Variants in DENND2A observed in about 807,000 individuals in gnomAD.
DENND2A encodes DENN domain containing 2A.
Under a neutral mutation model 105.3 loss-of-function variants are expected in DENND2A, and 53 were observed. That is an observed-to-expected ratio of 0.50 (90% CI 0.40 to 0.63). The LOEUF is 0.63. Ranked by LOEUF, DENND2A falls within the 30% of genes least tolerant of loss-of-function variation. The pLI, the probability that DENND2A is intolerant of heterozygous loss-of-function variation, is 0.00. For synonymous variants in DENND2A, 522 were observed against 508.4 expected, an observed-to-expected ratio of 1.03 and a Z score of -0.36; for missense variants, 1,138 against 1,279.6, an observed-to-expected ratio of 0.89 and a Z score of 1.69.
intron 5 of DENND2A, among the ~76,000 whole-genome samples, chr7:140,574,305 G>A (rs1021068863): frequency 5.9e-5 from 9 of 152,028 alleles, no homozygotes; most frequent in African/African-American, 1.9e-4. Flanking sequence ...TGTGACCTCC[G>A]CCTCCTGGGT....
intron 5 of DENND2A, among the ~76,000 whole-genome samples, chr7:140,582,549 G>C (rs1798588172): frequency 6.6e-6 from 1 of 152,242 alleles, no homozygotes; most frequent in Non-Finnish European, 1.5e-5. Context: ...TATGAGAAGA[G>C]AAATGACAGT....
At chr7:140,629,559 G>A (rs903017121) in intron 1 of DENND2A, among the ~76,000 whole-genome samples, 1 of 152,200 alleles carries the variant, frequency 6.6e-6, no homozygotes, top group Non-Finnish European at 1.5e-5. Flanking sequence ...AAAGAGGAGT[G>A]AAGGTTTGCT....
At chr7:140,520,178 C>T (rs1439832904) in intron 18 of DENND2A, among the ~76,000 whole-genome samples, 1 of 151,928 alleles carries the variant, frequency 6.6e-6, no homozygotes, top group Non-Finnish European at 1.5e-5. Flanking sequence ...TGGTGGTGCA[C>T]GCCTATAATC....
intron 1 of DENND2A, among the ~76,000 whole-genome samples, chr7:140,623,099 C>A (rs2130723832): frequency 6.6e-6 from 1 of 151,872 alleles, no homozygotes; most frequent in East Asian, 2.0e-4. Flanking sequence ...CTTTGGGAGG[C>A]TGAGGCGGGC....
At chr7:140,565,727 A>T (rs931182036) in intron 9 of DENND2A, among the ~76,000 whole-genome samples, 1 of 152,118 alleles carries the variant, frequency 6.6e-6, no homozygotes, top group East Asian at 1.9e-4. Flanking sequence ...TGAGGCTGAA[A>T]CCTACTGGGC....
chr7:140,640,098 C>T lies in DENND2A; in HGVS notation c.-248+406G>A, dbSNP rs1801130268. 6.5e-6 allele frequency: 1 copy of T among 153,036 alleles called. No individual in the cohort carries two copies. Among genetic ancestry groups the T allele is most frequent in the Non-Finnish European group, 1.5e-5 (1 of 68,594 alleles). 9.5% of individuals were successfully genotyped at this position (153,036 alleles called of 1,614,324 possible). A position where few individuals can be genotyped will look rare whatever the true frequency, so the allele number is the denominator to read the frequency against. ...TCGATGCCCCGCGCTTGCACGCGCA[C>T]GCACACACTCACACACACTCGCACA... On this transcript the variant is annotated intron_variant, in intron 1 of 19. Transcript: ENST00000496613. This position sits in a 1 kb window ranked among gnomAD's most constrained non-coding sequence, Gnocchi z 4.9.
Position 140,523,167 on chromosome 7 carries a change from G to T in DENND2A, c.2665+140C>A. The T allele has an allele frequency of 1.3e-6, 1 of 779,410 alleles. No individual in the cohort carries two copies. Among genetic ancestry groups the T allele is most frequent in the Non-Finnish European group, 2.1e-6 (1 of 466,016 alleles). The allele number at this position is 779,410 out of a possible 1,614,324, so 48.3% of individuals were successfully genotyped here. On this transcript the variant is annotated intron_variant, in intron 17 of 19. Coordinates refer to ENST00000496613, the MANE Select transcript of DENND2A (RefSeq NM_015689.5). This position sits in a 1 kb window ranked among gnomAD's most constrained non-coding sequence, Gnocchi z 4.5. Reference sequence around the variant, plus strand: ...CAATTCACTGTGGGAATGAAATCCAGATAAACAGAATGAGGCCCTGGTTTC... The same window carrying T: ...CAATTCACTGTGGGAATGAAATCCATATAAACAGAATGAGGCCCTGGTTTC...
At chr7:140,613,430 C>G (rs921601168) in intron 1 of DENND2A, among the ~76,000 whole-genome samples, 1 of 151,348 alleles carries the variant, frequency 6.6e-6, no homozygotes, top group Non-Finnish European at 1.5e-5. Context: ...GTCCCAGCTA[C>G]TTGGGAGGCT....
chr7:140,577,259 CA>C (rs1798339435), intron 5 of DENND2A, among the ~76,000 whole-genome samples: 1 of 152,048 alleles, frequency 6.6e-6, no homozygotes, highest in South Asian at 2.1e-4. Flanking sequence ...TAAATTAGAT[CA>C]AAAGAGTCTT....
At chr7:140,528,464 G>T (rs1281726640) in intron 14 of DENND2A, among the ~76,000 whole-genome samples, 1 of 152,102 alleles carries the variant, frequency 6.6e-6, no homozygotes, top group Non-Finnish European at 1.5e-5. Context: ...GGTCAAAGAT[G>T]ATATGCTAGA....
intron 1 of DENND2A, among the ~76,000 whole-genome samples, chr7:140,611,232 T>A (rs1291931313): frequency 1.3e-5 from 2 of 151,984 alleles, no homozygotes; most frequent in African/African-American, 4.8e-5. Context: ...AAGCAAGAAG[T>A]GATTTAAATA....
chr7:140,573,140 A>G (rs1447400605), intron 6 of DENND2A, among the ~76,000 whole-genome samples: 1 of 152,188 alleles, frequency 6.6e-6, no homozygotes, highest in East Asian at 1.9e-4. Context: ...GAGGGCTCCC[A>G]CGTACTTGTA....
intron 16 of DENND2A, among the ~76,000 whole-genome samples, chr7:140,524,618 C>A (rs1365079947): frequency 6.6e-6 from 1 of 151,898 alleles, no homozygotes; most frequent in African/African-American, 2.4e-5. Context: ...CACTGTCTCT[C>A]GGGCTGGAGT....
At chr7:140,620,414 A>G (rs1045295600) in intron 1 of DENND2A, among the ~76,000 whole-genome samples, 2 of 152,086 alleles carry the variant, frequency 1.3e-5, no homozygotes, top group Admixed American at 1.3e-4. Context: ...ACTGGAAGTA[A>G]ATTTAATGAG....
At chr7:140,534,169 C>T (rs1348569264) in intron 14 of DENND2A, among the ~76,000 whole-genome samples, 1 of 148,410 alleles carries the variant, frequency 6.7e-6, no homozygotes, top group Non-Finnish European at 1.5e-5. Context: ...ACTGCAACCT[C>T]TGCCTCCAGG....
chr7:140,570,616 A>G (rs1798054833), intron 6 of DENND2A, among the ~76,000 whole-genome samples: 1 of 152,166 alleles, frequency 6.6e-6, no homozygotes. Context: ...CCCAGATGTC[A>G]TGTACCCTCC....
rs372251662 is a variant in DENND2A at position 140,546,870 on chromosome 7, T to C, written c.2107A>G (p.Met703Val). 40 of 1,614,066 alleles carry C rather than the reference T, an allele frequency of 2.5e-5. No individual in the cohort carries two copies. The highest frequency in any genetic ancestry group is 2.9e-5 in the Non-Finnish European group (34 of 1,180,032). Residue 703 changes from methionine to valine, a missense_variant, in exon 13 of 20, where the codon ATG (methionine) becomes GTG (valine). By Grantham distance (21) the Met-to-Val change is conservative. This residue lies in a region of DENND2A where 627 missense variants were observed against 779.8 expected (regional missense o/e 0.80). Transcript: ENST00000496613. ...CCCAGGGCTGGGAAAGGGGCTTCCATGACACTTCTCATGAGTGGCTGAACC... is the reference window on the plus strand; with the variant it reads ...CCCAGGGCTGGGAAAGGGGCTTCCACGACACTTCTCATGAGTGGCTGAACC... ...ALVQPLMRSV[M>V]EAPFPALGKT...
intron 14 of DENND2A, among the ~76,000 whole-genome samples, chr7:140,539,505 A>G (rs4458784): frequency 0.55 from 83,846 of 152,126 alleles, 25,045 homozygotes; most frequent in African/African-American, 0.79. Flanking sequence ...CATTTCTGTA[A>G]ACGGACAGGG....
chr7:140,563,056 G>A (rs1797695037), intron 9 of DENND2A, among the ~76,000 whole-genome samples: 2 of 152,170 alleles, frequency 1.3e-5, no homozygotes, highest in African/African-American at 2.4e-5. Context: ...AATCACCACA[G>A]AGTGAATGAC....
Sources: allele counts gnomAD v4.1 joint callset (sites outside exome capture counted in the v4.1 genomes callset), GRCh38; gene constraint gnomAD v4.1.1; regional missense constraint gnomAD v4.1.1; non-coding constraint Gnocchi (gnomAD v3.1); transcripts MANE v1.5; gene names NCBI Gene and HGNC (gene_info 2026-07-23, HGNC 2026-07-21).